Variants in PVT1 observed in about 807,000 individuals in gnomAD.
PVT1 encodes the protein CXCR4/PVT1 fusion.
chr8:127,920,714 G>A (rs1453894174), intron 3 of PVT1, among the ~76,000 whole-genome samples: 6 of 152,138 alleles, frequency 3.9e-5, no homozygotes, highest in Non-Finnish European at 7.4e-5. Flanking sequence ...GTTGTTTTAT[G>A]AAAAGTTTAG....
At chr8:128,060,200 G>T (rs1012111318) in intron 4 of PVT1, among the ~76,000 whole-genome samples, 4 of 152,122 alleles carry the variant, frequency 2.6e-5, no homozygotes, top group African/African-American at 9.7e-5. Context: ...AGCTTGCAGT[G>T]AGCCCAGATA....
intron 3 of PVT1, among the ~76,000 whole-genome samples, chr8:127,911,784 G>C (rs1262041439): frequency 6.6e-6 from 1 of 152,194 alleles, no homozygotes; most frequent in African/African-American, 2.4e-5. Context: ...AGAAATTGAT[G>C]GTTCTTTTGT....
intron 3 of PVT1, among the ~76,000 whole-genome samples, chr8:127,973,875 G>T (rs1400779053): frequency 2.0e-5 from 3 of 151,870 alleles, no homozygotes; most frequent in African/African-American, 7.3e-5. Context: ...AGCTACTCGG[G>T]AGGCTGAGGC....
intron 2 of PVT1, among the ~76,000 whole-genome samples, chr8:127,845,549 G>T (rs1815022089): frequency 2.0e-5 from 3 of 152,286 alleles, no homozygotes. Context: ...AAAATACTGT[G>T]TGAGTCTAGG....
At chr8:127,863,637 C>T (rs1296384661) in intron 2 of PVT1, among the ~76,000 whole-genome samples, 1 of 152,188 alleles carries the variant, frequency 6.6e-6, no homozygotes, top group African/African-American at 2.4e-5. Flanking sequence ...CTTGTGGGAA[C>T]ATTTTTGTAA....
At chr8:127,869,977 T>C (rs1815334123) in intron 2 of PVT1, among the ~76,000 whole-genome samples, 1 of 152,164 alleles carries the variant, frequency 6.6e-6, no homozygotes, top group East Asian at 1.9e-4. Flanking sequence ...CTATTTTTTG[T>C]ACTTTTAGTA....
chr8:127,981,524 A>G (rs893538420), intron 3 of PVT1, among the ~76,000 whole-genome samples: 1 of 152,236 alleles, frequency 6.6e-6, no homozygotes, highest in Non-Finnish European at 1.5e-5. Context: ...AGACCAAAGC[A>G]TGCTGGCGGG....
chr8:127,956,377 G>C (rs1816569106), intron 3 of PVT1, among the ~76,000 whole-genome samples: 1 of 152,260 alleles, frequency 6.6e-6, no homozygotes, highest in South Asian at 2.1e-4. Context: ...TACTGTGTAG[G>C]GACAGATAGG....
At chr8:127,835,608 T>TACAA (rs879362723) in intron 2 of PVT1, among the ~76,000 whole-genome samples, 91 of 152,086 alleles carry the variant, frequency 6.0e-4, no homozygotes, top group Non-Finnish European at 1.1e-3. Context: ...GAACTTAAAG[T>TACAA]ACAAACAAAC....
At chr8:127,854,185 C>T (rs1815137889) in intron 2 of PVT1, among the ~76,000 whole-genome samples, 1 of 152,208 alleles carries the variant, frequency 6.6e-6, no homozygotes, top group Non-Finnish European at 1.5e-5. Context: ...GGCGCAGGGA[C>T]AGGTAGATCA....
chr8:128,006,831 T>C (rs767346345), intron 4 of PVT1, among the ~76,000 whole-genome samples: 1 of 152,214 alleles, frequency 6.6e-6, no homozygotes, highest in African/African-American at 2.4e-5. Flanking sequence ...AGATTTTACA[T>C]TGGGATGCCC....
Position 127,855,948 on chromosome 8 carries a change from G to T in PVT1, n.373-34641G>T, listed in dbSNP as rs118013846. ...GCCCCACTCCCTTCTCCATAATCTC[G>T]CCCCTCCCTGACCAGGCCACCTGAC... On this transcript the variant is annotated intron_variant and non_coding_transcript_variant, in intron 2 of 10. Coordinates refer to ENST00000651587, the Ensembl canonical transcript of PVT1. Among the ~76,000 whole-genome samples the T allele has an allele frequency of 6.7e-3, 1,014 of 152,202 alleles. 9 individuals carry two copies. Among genetic ancestry groups the T allele is most frequent in the Non-Finnish European group, 0.012 (799 of 67,996 alleles).
chr8:128,050,578 C>T (rs568093053), intron 4 of PVT1, among the ~76,000 whole-genome samples: 47 of 152,272 alleles, frequency 3.1e-4, no homozygotes, highest in Non-Finnish European at 5.6e-4. Context: ...CCTTGGATGC[C>T]TGAGAGATCC....
At chr8:127,912,630 A>G (rs973529674) in intron 3 of PVT1, among the ~76,000 whole-genome samples, 2 of 152,192 alleles carry the variant, frequency 1.3e-5, no homozygotes, top group Non-Finnish European at 2.9e-5. Context: ...GAAATTATAA[A>G]TGGTGACATT....
At chr8:127,940,593 T>TG (rs57970894) in intron 3 of PVT1, 14,924 of 138,330 alleles carry the variant, frequency 0.11, 824 homozygotes, top group Middle Eastern at 0.14. Context: ...AGTTTTTTTG[T>TG]GGGGGGGGGC....
intron 2 of PVT1, among the ~76,000 whole-genome samples, chr8:127,857,653 C>G (rs1020504147): frequency 1.3e-5 from 2 of 152,170 alleles, no homozygotes; most frequent in African/African-American, 4.8e-5. Context: ...TGCACTCAGT[C>G]TAGGCCACAG....
intron 4 of PVT1, among the ~76,000 whole-genome samples, chr8:128,045,621 C>G (rs898512305): frequency 2.0e-5 from 3 of 152,206 alleles, no homozygotes; most frequent in African/African-American, 7.2e-5. Context: ...TTACCTGCTT[C>G]CAGAAGACTT....
At chr8:127,900,066 C>T (rs533702163) in intron 3 of PVT1, among the ~76,000 whole-genome samples, 4 of 151,796 alleles carry the variant, frequency 2.6e-5, no homozygotes, top group African/African-American at 4.8e-5. Flanking sequence ...TTTTGAGATG[C>T]AGTCTCGCTC....
In PVT1 at chr8:127,968,737, G is replaced by A. The variant is rs59490335; in HGVS notation, n.783-20425G>A. Among the ~76,000 whole-genome samples the A allele has an allele frequency of 8.1e-3, 1,227 of 152,288 alleles. 26 individuals are homozygous for A. The highest frequency in any genetic ancestry group is 0.028 in the African/African-American group (1,148 of 41,548). Reference sequence around the variant, plus strand: ...TGAGGGCGTAATAAAGTTATGGTGAGGTCATCTTGGGGTATGGTGAGCTCT... The same window carrying A: ...TGAGGGCGTAATAAAGTTATGGTGAAGTCATCTTGGGGTATGGTGAGCTCT... On this transcript the variant is annotated intron_variant and non_coding_transcript_variant, in intron 3 of 10. Transcript: ENST00000651587.
Sources: allele counts gnomAD v4.1 joint callset (sites outside exome capture counted in the v4.1 genomes callset), GRCh38; gene constraint gnomAD v4.1.1; transcripts MANE v1.5; gene names NCBI Gene and HGNC (gene_info 2026-07-23, HGNC 2026-07-21).